VWA3A: variants seen among roughly 807,000 people sequenced by gnomAD.
VWA3A encodes von Willebrand factor A domain-containing protein 3A.
In VWA3A, 134 loss-of-function variants were observed where a neutral mutation model predicts 160.4. The ratio of observed to expected loss-of-function variants is 0.84; its 90% CI spans 0.73 to 0.96. VWA3A has a LOEUF of 0.96. Ranked by LOEUF, VWA3A falls within the 40% of genes least tolerant of loss-of-function variation. The probability of loss-of-function intolerance (pLI) is 0.00; values close to 1 mark genes in which losing one functional copy is unlikely to be tolerated. For missense variants in VWA3A, 1,310 were observed against 1,447.9 expected, an observed-to-expected ratio of 0.90 and a Z score of 1.55; for synonymous variants, 476 against 543.4, an observed-to-expected ratio of 0.88 and a Z score of 1.72.
chr16:22,143,020 C>T (rs1478746420), intron 25 of VWA3A, among the ~76,000 whole-genome samples: 4 of 151,888 alleles, frequency 2.6e-5, no homozygotes, highest in Non-Finnish European at 4.4e-5. Flanking sequence ...TGCAGTGGCA[C>T]GCACCTGTAC....
intron 6 of VWA3A, among the ~76,000 whole-genome samples, chr16:22,103,980 G>A (rs2045445604): frequency 6.6e-6 from 1 of 152,170 alleles, no homozygotes; most frequent in Admixed American, 6.5e-5. Flanking sequence ...AAAAGACAGG[G>A]GGGAAGGGGA....
In VWA3A at chr16:22,150,834, A is replaced by G. The variant is rs2046336619; in HGVS notation, c.3269A>G (p.Asn1090Ser). 1 of 1,613,256 alleles carries G rather than the reference A, an allele frequency of 6.2e-7. No individual in the cohort carries two copies. Residue 1090 changes from asparagine to serine, a missense_variant, in exon 30 of 34, where the codon AAC (asparagine) becomes AGC (serine). Physicochemically the swap from Asn to Ser is conservative, Grantham distance 46. Transcript: ENST00000389398. ...GTGAAAGTGCACACCATTTCCTTGA[A>G]CTGCTCAGACAGGTGCGCAATATGG... is the stretch of plus-strand genomic sequence containing the variant. The part of the protein sequence containing the change: ...RDVKVHTISL[N>S]CSDRAAVEFL...
chr16:22,142,955 A>G lies in VWA3A; in HGVS notation c.2592+190A>G, dbSNP rs189334957. Among the ~76,000 whole-genome samples, 160 of 152,118 alleles carry G rather than the reference A, an allele frequency of 1.1e-3. 1 individual carries two copies. Among genetic ancestry groups the G allele is most frequent in the African/African-American group, 3.5e-3 (147 of 41,494 alleles). On this transcript the variant is annotated intron_variant, in intron 25 of 33. Transcript: ENST00000389398. ...CACTTGAGGTCAGGAGTTCGAGACCACCTGGCCAACATGGTGAAACCCCAT... is the reference window on the plus strand; with the variant it reads ...CACTTGAGGTCAGGAGTTCGAGACCGCCTGGCCAACATGGTGAAACCCCAT...
At chr16:22,112,542 G>C (rs1255193667) in intron 8 of VWA3A, among the ~76,000 whole-genome samples, 1 of 152,020 alleles carries the variant, frequency 6.6e-6, no homozygotes, top group African/African-American at 2.4e-5. Flanking sequence ...AACCCAGTGA[G>C]ACCCCATCTC....
intron 17 of VWA3A, among the ~76,000 whole-genome samples, chr16:22,129,133 TAATCCCAGCACTTTGAGAGGCC>T (rs1208516692): frequency 1.3e-5 from 2 of 151,692 alleles, no homozygotes; most frequent in Non-Finnish European, 2.9e-5. Flanking sequence ...CTCACGCTTG[TAATCCCAGCACTTTGAGAGGCC>T]GAGGCGGGCG....
chr16:22,092,720 C>A, intron 1 of VWA3A, 69 bp downstream of exon 1: 1 of 1,540,404 alleles, frequency 6.5e-7, no homozygotes, highest in South Asian at 1.2e-5. Context: ...ATACTAAGCT[C>A]TGGACTGAGT....
At chr16:22,105,879 G>T (rs552027782) in intron 6 of VWA3A, among the ~76,000 whole-genome samples, 1 of 152,202 alleles carries the variant, frequency 6.6e-6, no homozygotes, top group Non-Finnish European at 1.5e-5. Flanking sequence ...TTTGGGTCAT[G>T]AATTCAACAA....
intron 17 of VWA3A, among the ~76,000 whole-genome samples, chr16:22,127,889 C>T (rs1433862058): frequency 6.6e-6 from 1 of 152,160 alleles, no homozygotes; most frequent in African/African-American, 2.4e-5. Flanking sequence ...GTATCAGTGG[C>T]AGGATCAGTC....
intron 27 of VWA3A, 66 bp downstream of exon 27, chr16:22,146,410 A>T: frequency 7.1e-7 from 1 of 1,413,328 alleles, no homozygotes; most frequent in South Asian, 1.2e-5. Context: ...AGCCCCAGGG[A>T]CCCCAGTGTC....
At chr16:22,124,558 T>G (rs1044950562) in intron 16 of VWA3A, among the ~76,000 whole-genome samples, 1 of 147,892 alleles carries the variant, frequency 6.8e-6, no homozygotes, top group East Asian at 1.9e-4. Context: ...TTATTATTAT[T>G]ATTATTATTA....
Position 22,097,008 on chromosome 16 carries a change from C to A in VWA3A, c.101+63C>A, listed in dbSNP as rs148830790. The A allele has an allele frequency of 1.0e-3, 1,111 of 1,114,756 alleles. 12 individuals are homozygous for A. The African/African-American group carries it at 0.016, about 16-fold the overall frequency. 69.1% of individuals were successfully genotyped at this position (1,114,756 alleles called of 1,614,324 possible). A position where few individuals can be genotyped will look rare whatever the true frequency, so the allele number is the denominator to read the frequency against. On this transcript the variant is annotated intron_variant, in intron 2 of 33. Transcript: ENST00000389398. ...TGAGGCAGATTCTCGCACTGTCTCC[C>A]AGGCTGGAGTGCAGTGGCACAATCT... is the stretch of plus-strand genomic sequence containing the variant.
intron 1 of VWA3A, among the ~76,000 whole-genome samples, chr16:22,094,573 A>C (rs1430277226): frequency 7.6e-6 from 1 of 131,114 alleles, no homozygotes; most frequent in Non-Finnish European, 1.5e-5. Flanking sequence ...TAGCTGAAGC[A>C]AAAAAAAAAG....
chr16:22,115,952 T>G (rs984856381), intron 9 of VWA3A, among the ~76,000 whole-genome samples: 1,215 of 5,486 alleles, frequency 0.22, 8 homozygotes, highest in African/African-American at 0.25. Context: ...GAGGAGGGGG[T>G]GGGGAGGGAG....
chr16:22,123,013 G>C, intron 14 of VWA3A, 72 bp from the exon 15 acceptor site: 1 of 1,335,252 alleles, frequency 7.5e-7, no homozygotes, highest in Non-Finnish European at 1.1e-6. Context: ...CTGATTTGGA[G>C]AACCAGTGCC....
chr16:22,121,074 C>A lies in VWA3A; in HGVS notation c.1223C>A (p.Ala408Glu). Residue 408 changes from alanine (A) to glutamate (E), a missense_variant, in exon 13 of 34, where the codon GCA becomes GAA. Ala to Glu is a moderately radical substitution (Grantham distance 107). Coordinates refer to ENST00000389398, the MANE Select transcript of VWA3A (RefSeq NM_173615.5). ...IEFPNLDKTSAEWLKVNGLKA... is the reference protein window; with the variant it reads ...IEFPNLDKTSEEWLKVNGLKA... ...TTTCCAAACTTGGACAAGACTTCTGCAGAGTGGCTTAAGGTCAATGGTCTG... is the reference window on the plus strand; with the variant it reads ...TTTCCAAACTTGGACAAGACTTCTGAAGAGTGGCTTAAGGTCAATGGTCTG... 6.2e-7 allele frequency: 1 copy of A among 1,613,962 alleles called. No homozygotes were observed. Among genetic ancestry groups the A allele is most frequent in the South Asian group, 1.1e-5 (1 of 91,070 alleles).
intron 17 of VWA3A, among the ~76,000 whole-genome samples, chr16:22,130,980 G>GAA: frequency 6.6e-6 from 1 of 152,304 alleles, no homozygotes; most frequent in Middle Eastern, 3.4e-3. Context: ...CAATGCTTCA[G>GAA]AAAGGAAGCT....
intron 29 of VWA3A, among the ~76,000 whole-genome samples, chr16:22,150,243 TA>T (rs780418259): frequency 1.3e-5 from 2 of 151,938 alleles, no homozygotes; most frequent in Non-Finnish European, 2.9e-5. Context: ...CTCTACTAAA[TA>T]CAAAAGATTA....
chr16:22,146,478 T>C, intron 27 of VWA3A, 134 bp downstream of exon 27: 1 of 708,232 alleles, frequency 1.4e-6, no homozygotes, highest in Non-Finnish European at 2.3e-6. Context: ...GCCAGGAACA[T>C]CATCCACATA....
intron 32 of VWA3A, 34 bp downstream of exon 32, chr16:22,155,698 T>C (rs2046428450): frequency 6.2e-7 from 1 of 1,609,286 alleles, no homozygotes. Flanking sequence ...CGGCCTGCCA[T>C]GTGGCTACAG....
Sources: gnomAD v4.1 joint callset for allele counts (sites outside exome capture counted in the v4.1 genomes callset) on GRCh38, gnomAD v4.1.1 for gene constraint, MANE v1.5 for transcripts, NCBI Gene and HGNC (gene_info 2026-07-23, HGNC 2026-07-21) for gene names.